The following EML6 variants were observed in gnomAD, a reference collection of about 807,000 sequenced individuals.
EML6 encodes EMAP like 6, also known as echinoderm microtubule-associated protein-like 6.
A neutral mutation model predicts 240.1 loss-of-function variants in EML6; 154 were observed. The ratio of observed to expected loss-of-function variants is 0.64; its 90% CI spans 0.56 to 0.73. The LOEUF (loss-of-function observed/expected upper bound fraction) is 0.73. Ranked by LOEUF, EML6 falls within the 30% of genes least tolerant of loss-of-function variation. EML6 has a pLI of 0.00. For synonymous variants in EML6, 1,148 were observed against 899.0 expected (o/e 1.28, Z -4.95); for missense variants, 2,964 against 2,474.6 (o/e 1.20, Z -4.20).
intron 24 of EML6, among the ~76,000 whole-genome samples, chr2:54,909,850 C>CAAAAAA (rs34171697): frequency 2.3e-4 from 16 of 68,484 alleles, no homozygotes; most frequent in African/African-American, 2.7e-4. Context: ...GACTCCATCT[C>CAAAAAA]AAAAAAAAAA....
chr2:54,799,532 GAC>G (rs1670005541), intron 2 of EML6, among the ~76,000 whole-genome samples: 1 of 152,064 alleles, frequency 6.6e-6, no homozygotes, highest in Admixed American at 6.6e-5. Context: ...TTTTAGTAGA[GAC>G]AGGTTTCACC....
At position 54,928,519 on chromosome 2, in the gene EML6, GC is replaced by G; in HGVS notation, c.3877+11del. On this transcript the variant is annotated splice_donor_region_variant and intron_variant, in intron 27 of 41. Transcript: ENST00000356458. ...CCGACGTGGAAGAGGATGGAGGTGAGCCCCCCACCTGCCACATGCCTCCTGC... is the reference window on the plus strand; with the variant it reads ...CCGACGTGGAAGAGGATGGAGGTGAGCCCCCACCTGCCACATGCCTCCTGC... 4 of 1,544,040 alleles carry G rather than the reference GC, an allele frequency of 2.6e-6. No homozygotes were observed. Among genetic ancestry groups the G allele is most frequent in the South Asian group, 2.4e-5 (2 of 83,260 alleles).
At chr2:54,789,324 T>C (rs568539195) in intron 2 of EML6, among the ~76,000 whole-genome samples, 23 of 151,606 alleles carry the variant, frequency 1.5e-4, no homozygotes, top group Admixed American at 1.1e-3. Flanking sequence ...CCATCCTGGC[T>C]AACACGGTGA....
At chr2:54,930,098 A>G (rs930359224) in intron 28 of EML6, among the ~76,000 whole-genome samples, 1 of 152,190 alleles carries the variant, frequency 6.6e-6, no homozygotes, top group African/African-American at 2.4e-5. Context: ...GAAAAAAAAA[A>G]ATTACCCAGC....
At chr2:54,886,459 C>T (rs559314737) in intron 17 of EML6, among the ~76,000 whole-genome samples, 33 of 152,234 alleles carry the variant, frequency 2.2e-4, no homozygotes, top group South Asian at 4.1e-4. Context: ...TGTGCGCCAC[C>T]GCGTCTGGCC....
At chr2:54,919,251 C>CG (rs1558685986) in intron 26 of EML6, among the ~76,000 whole-genome samples, 1 of 146,634 alleles carries the variant, frequency 6.8e-6, no homozygotes, top group African/African-American at 2.5e-5. Context: ...TTCCCCCCCC[C>CG]CCCAATCCTT....
intron 16 of EML6, among the ~76,000 whole-genome samples, chr2:54,877,505 AAAAAT>A (rs1256370140): frequency 2.6e-5 from 4 of 152,190 alleles, no homozygotes; most frequent in Non-Finnish European, 5.9e-5. Context: ...AAACACCAAT[AAAAAT>A]AAAATCAAGT....
chr2:54,743,606 C>G (rs1293653594), intron 2 of EML6, among the ~76,000 whole-genome samples: 2 of 152,086 alleles, frequency 1.3e-5, no homozygotes, highest in African/African-American at 2.4e-5. Context: ...CCAGGAGAGA[C>G]AGAGCCAAAA....
chr2:54,957,456 G>T (rs1676283921), intron 32 of EML6, among the ~76,000 whole-genome samples: 1 of 151,852 alleles, frequency 6.6e-6, no homozygotes, highest in Admixed American at 6.6e-5. Context: ...TGGTGATGCT[G>T]GGGACTTGAT....
At chr2:54,874,891 A>AG (rs1378233526) in intron 16 of EML6, among the ~76,000 whole-genome samples, 1 of 152,216 alleles carries the variant, frequency 6.6e-6, no homozygotes, top group Non-Finnish European at 1.5e-5. Context: ...CCTGGGTAAA[A>AG]GTGAACAGTG....
intron 5 of EML6, 137 bp from the exon 6 acceptor site, chr2:54,827,429 C>T: frequency 1.5e-6 from 1 of 687,192 alleles, no homozygotes. Flanking sequence ...TGTTATGTTA[C>T]AGCAAAGCAA....
intron 33 of EML6, among the ~76,000 whole-genome samples, chr2:54,958,897 T>G (rs760995904): frequency 2.0e-5 from 3 of 151,926 alleles, no homozygotes; most frequent in Non-Finnish European, 4.4e-5. Flanking sequence ...GCCAGTTAAA[T>G]ATAGTGAATT....
intron 15 of EML6, among the ~76,000 whole-genome samples, chr2:54,870,052 T>C (rs1036388425): frequency 6.6e-6 from 1 of 152,256 alleles, no homozygotes. Flanking sequence ...GATTATACTT[T>C]TGTTCAGTTT....
rs1668521078 is a variant in EML6 at position 54,774,549 on chromosome 2, C to T, written c.198-38683C>T. On this transcript the variant is annotated intron_variant, in intron 2 of 41. Transcript: ENST00000356458. The surrounding 1 kb of genome is among the most constrained non-coding windows in gnomAD (Gnocchi z 4.1). ...ATCACGGGGAGAATGGAAGAGCTAG[C>T]ATCTCTGCTACACTACATCATAGGG... Among the ~76,000 whole-genome samples, 2 of 152,198 alleles carry T rather than the reference C, an allele frequency of 1.3e-5. No individual in the cohort carries two copies. The highest frequency in any genetic ancestry group is 4.1e-4 in the South Asian group (2 of 4,834).
intron 2 of EML6, among the ~76,000 whole-genome samples, chr2:54,751,245 T>C (rs1684151258): frequency 6.6e-6 from 1 of 152,232 alleles, no homozygotes; most frequent in Non-Finnish European, 1.5e-5. Context: ...ATATGAAACC[T>C]GCATATTGGA....
intron 2 of EML6, among the ~76,000 whole-genome samples, chr2:54,776,481 T>C (rs1668607187): frequency 6.6e-6 from 1 of 152,224 alleles, no homozygotes; most frequent in Admixed American, 6.5e-5. Context: ...TTTTTGAATA[T>C]AGGTAGTAGG....
At position 54,908,294 on chromosome 2, in the gene EML6, G is replaced by C. The variant is rs1300835114; in HGVS notation, c.3410-2660G>C. Reference sequence around the variant, plus strand: ...GTGCAATCTCAGATCACTGCAATCTGTGCCTCCTGTGCTCAAGAGATCCTC... The same window carrying C: ...GTGCAATCTCAGATCACTGCAATCTCTGCCTCCTGTGCTCAAGAGATCCTC... On this transcript the variant is annotated intron_variant, in intron 24 of 41. Coordinates refer to ENST00000356458, the MANE Select transcript of EML6 (RefSeq NM_001039753.4). 8.7e-5 allele frequency among the ~76,000 whole-genome samples: 13 copies of C among 149,290 alleles called. No homozygotes were observed. In the South Asian group the frequency reaches 1.9e-3, roughly 22 times the overall value.
chr2:54,873,092 A>G (rs1671338712), intron 16 of EML6, among the ~76,000 whole-genome samples: 1 of 152,258 alleles, frequency 6.6e-6, no homozygotes, highest in Non-Finnish European at 1.5e-5. Context: ...GTTCTGCTTA[A>G]TGCACTTTGT....
intron 2 of EML6, among the ~76,000 whole-genome samples, chr2:54,784,450 C>A (rs762666462): frequency 5.5e-4 from 83 of 152,192 alleles, no homozygotes; most frequent in Non-Finnish European, 9.9e-4. Context: ...AAGACTTTAC[C>A]GTACCACTAA....
Sources: gnomAD v4.1 joint callset for allele counts (sites outside exome capture counted in the v4.1 genomes callset) on GRCh38, gnomAD v4.1.1 for gene constraint, Gnocchi (gnomAD v3.1) non-coding constraint, MANE v1.5 for transcripts, NCBI Gene and HGNC (gene_info 2026-07-23, HGNC 2026-07-21) for gene names.